The following B3GALT1 variants were observed in gnomAD, a reference collection of about 807,000 sequenced individuals.
B3GALT1 encodes the protein beta-1,3-galactosyltransferase 1.
In B3GALT1, 10 loss-of-function variants were observed where a neutral mutation model predicts 23.2. The ratio of observed to expected loss-of-function variants is 0.43; its 90% CI spans 0.27 to 0.73. The LOEUF is 0.73. B3GALT1 is among the 30% of genes least tolerant of loss of function. The pLI, the probability that B3GALT1 is intolerant of heterozygous loss-of-function variation, is 0.21. For missense variants in B3GALT1, 299 were observed against 405.4 expected, an observed-to-expected ratio of 0.74 and a Z score of 2.25; for synonymous variants, 156 against 141.5, an observed-to-expected ratio of 1.10 and a Z score of -0.73.
intron 1 of B3GALT1, among the ~76,000 whole-genome samples, chr2:167,303,470 A>G (rs1162829507): frequency 2.0e-5 from 3 of 152,092 alleles, no homozygotes; most frequent in Non-Finnish European, 4.4e-5. Flanking sequence ...TATGTCTGGG[A>G]GAATACCTCT....
intron 2 of B3GALT1, among the ~76,000 whole-genome samples, chr2:167,499,143 T>C (rs1699814926): frequency 6.6e-6 from 1 of 152,188 alleles, no homozygotes; most frequent in Non-Finnish European, 1.5e-5. Flanking sequence ...CCTGCCTTTT[T>C]CTTTCTCAAC....
At chr2:167,589,738 C>T (rs1227122) in intron 2 of B3GALT1, among the ~76,000 whole-genome samples, 40,848 of 151,674 alleles carry the variant, frequency 0.27, 6,273 homozygotes, top group African/African-American at 0.42. Flanking sequence ...AAAAAATCAC[C>T]GTTACCTACT....
At chr2:167,784,059 C>T (rs1169001442) in intron 3 of B3GALT1, among the ~76,000 whole-genome samples, 2 of 152,180 alleles carry the variant, frequency 1.3e-5, no homozygotes, top group Non-Finnish European at 2.9e-5. Flanking sequence ...GAATTCCAAG[C>T]CACCTTATCT....
At chr2:167,842,096 G>T (rs528684350) in intron 4 of B3GALT1, among the ~76,000 whole-genome samples, 20 of 152,268 alleles carry the variant, frequency 1.3e-4, no homozygotes, top group African/African-American at 4.6e-4. Context: ...TATTACAAAA[G>T]TTACTTTTCA....
intron 2 of B3GALT1, among the ~76,000 whole-genome samples, chr2:167,521,063 A>G (rs1700180444): frequency 6.6e-6 from 1 of 152,078 alleles, no homozygotes; most frequent in Non-Finnish European, 1.5e-5. Context: ...TCTTGAAATA[A>G]GTTATCTGTT....
intron 3 of B3GALT1, among the ~76,000 whole-genome samples, chr2:167,674,915 A>G (rs899393445): frequency 1.3e-5 from 2 of 152,230 alleles, no homozygotes; most frequent in African/African-American, 2.4e-5. Flanking sequence ...AAAAAGGCAA[A>G]ACTGTAATAT....
chr2:167,716,873 C>T lies in B3GALT1; in HGVS notation c.-352+69907C>T, dbSNP rs1452822720. 9.2e-5 allele frequency among the ~76,000 whole-genome samples: 14 copies of T among 152,058 alleles called. No homozygotes were observed. The South Asian group carries it at 2.9e-3, about 32-fold the overall frequency. ...TGCATTTTATAGCTTAGTGTATATT[C>T]CTTTATATATACATTATCACAGTCA... On this transcript the variant is annotated intron_variant, in intron 3 of 4. Coordinates refer to ENST00000392690, the MANE Select transcript of B3GALT1 (RefSeq NM_020981.4).
intron 2 of B3GALT1, among the ~76,000 whole-genome samples, chr2:167,627,761 T>G (rs1003785324): frequency 1.3e-5 from 2 of 151,720 alleles, no homozygotes; most frequent in Non-Finnish European, 3.0e-5. Context: ...AATCATTTTC[T>G]GATGTGGCTG....
intron 3 of B3GALT1, among the ~76,000 whole-genome samples, chr2:167,817,358 G>A (rs531452609): frequency 8.5e-5 from 13 of 152,318 alleles, no homozygotes; most frequent in East Asian, 5.8e-4. Flanking sequence ...ACTAGCTAAC[G>A]TTGATGACTA....
intron 3 of B3GALT1, among the ~76,000 whole-genome samples, chr2:167,728,435 G>C (rs1161629800): frequency 2.0e-5 from 3 of 152,156 alleles, no homozygotes; most frequent in African/African-American, 7.2e-5. Flanking sequence ...AAGACAGATT[G>C]ACAAATAAAA....
intron 3 of B3GALT1, among the ~76,000 whole-genome samples, chr2:167,813,425 C>A (rs369124415): frequency 1.3e-5 from 2 of 152,138 alleles, no homozygotes; most frequent in Non-Finnish European, 2.9e-5. Flanking sequence ...ACTTTTTAAT[C>A]GCTAAATTTC....
chr2:167,356,066 C>G (rs1697398398), intron 1 of B3GALT1, among the ~76,000 whole-genome samples: 1 of 152,170 alleles, frequency 6.6e-6, no homozygotes, highest in East Asian at 1.9e-4. Flanking sequence ...CTAAGCACAG[C>G]TGGTGGAGTG....
rs1039940617 is a variant in B3GALT1 at position 167,631,321 on chromosome 2, GA to G, written c.-409-15584del. Among the ~76,000 whole-genome samples, 24 of 151,920 alleles carry G rather than the reference GA, an allele frequency of 1.6e-4. 1 individual carries two copies. Among genetic ancestry groups the G allele is most frequent in the Admixed American group, 1.6e-3 (24 of 15,208 alleles). ...ATCAGGACAAAACACCTGGAGAAGA[GA>G]AAAGTTTGCCATACACACCTGCCAT... is the stretch of plus-strand genomic sequence containing the variant. On this transcript the variant is annotated intron_variant, in intron 2 of 4. Transcript: ENST00000392690.
At chr2:167,713,871 C>T in intron 3 of B3GALT1, 3 of 1,588,664 alleles carry the variant, frequency 1.9e-6, no homozygotes, top group South Asian at 1.1e-5. Context: ...AGAAAATAAC[C>T]TCGTGAAGCT....
chr2:167,775,568 CAA>C (rs60193092), intron 3 of B3GALT1, among the ~76,000 whole-genome samples: 22 of 133,924 alleles, frequency 1.6e-4, no homozygotes, highest in African/African-American at 3.6e-4. Context: ...GACGCTGTCT[CAA>C]AAAAAAAAAA....
At chr2:167,661,070 T>C (rs1448820267) in intron 3 of B3GALT1, among the ~76,000 whole-genome samples, 2 of 152,124 alleles carry the variant, frequency 1.3e-5, no homozygotes, top group Non-Finnish European at 2.9e-5. Flanking sequence ...CTGGATTTTC[T>C]TCGTTGTGCA....
chr2:167,603,682 T>C (rs527999348), intron 2 of B3GALT1, among the ~76,000 whole-genome samples: 1 of 152,344 alleles, frequency 6.6e-6, no homozygotes, highest in Admixed American at 6.5e-5. Context: ...TGGCAGCCAG[T>C]TGCCTCTATA....
chr2:167,481,141 C>T (rs966461858), intron 1 of B3GALT1, among the ~76,000 whole-genome samples: 1 of 152,106 alleles, frequency 6.6e-6, no homozygotes, highest in African/African-American at 2.4e-5. Flanking sequence ...TGCTCAAAGG[C>T]CAAAAATGTG....
At chr2:167,784,702 T>A (rs560165099) in intron 3 of B3GALT1, among the ~76,000 whole-genome samples, 97 of 152,292 alleles carry the variant, frequency 6.4e-4, no homozygotes, top group Non-Finnish European at 1.2e-3. Flanking sequence ...GATGAATATC[T>A]GGACTACGTA....
Sources: allele counts gnomAD v4.1 joint callset (sites outside exome capture counted in the v4.1 genomes callset), GRCh38; gene constraint gnomAD v4.1.1; transcripts MANE v1.5; gene names NCBI Gene and HGNC (gene_info 2026-07-23, HGNC 2026-07-21).